LYST: variants seen among roughly 807,000 people sequenced by gnomAD.
The protein encoded by LYST is lysosomal trafficking regulator.
Under a neutral mutation model 413.6 loss-of-function variants are expected in LYST, and 192 were observed. The observed-to-expected ratio is 0.46, with a 90% CI of 0.41 to 0.52. The LOEUF is 0.52. LYST is among the 20% of genes least tolerant of loss of function. LYST has a pLI of 0.00. For synonymous variants in LYST, 1,525 were observed against 1,567.3 expected (o/e 0.97, Z 0.64); for missense variants, 3,815 against 4,499.9 (o/e 0.85, Z 4.35).
chr1:235,695,427 C>T (rs991415115), intron 46 of LYST, among the ~76,000 whole-genome samples: 1 of 152,180 alleles, frequency 6.6e-6, no homozygotes, highest in Admixed American at 6.5e-5. Flanking sequence ...CAGGTTCTGA[C>T]AAATTCCAAA....
intron 31 of LYST, chr1:235,736,691 A>G (rs2103233933): frequency 6.6e-6 from 1 of 152,264 alleles, no homozygotes; most frequent in African/African-American, 2.4e-5. Context: ...ACTCTGTACT[A>G]CTATGTAATA....
In LYST at chr1:235,773,910, C is replaced by T; in HGVS notation, c.5716G>A (p.Ala1906Thr). ...AACAGCTTAACATCTTGGATTATAG[C>T]ATTAGAGTCTACATCCAACTTAAAC... ...GEFKLDVDSN[A>T]IIQDVKLLEE... is the part of the protein sequence containing the mutation. Residue 1906 changes from alanine to threonine, a missense_variant, in exon 19 of 53, where the codon GCT (alanine) becomes ACT (threonine). Physicochemically the swap from Ala to Thr is moderately conservative, Grantham distance 58. Coordinates refer to ENST00000389793, the MANE Select transcript of LYST (RefSeq NM_000081.4). 6.2e-7 allele frequency: 1 copy of T among 1,606,494 alleles called. No individual in the cohort carries two copies. The highest frequency in any genetic ancestry group is 8.5e-7 in the Non-Finnish European group (1 of 1,173,196).
intron 45 of LYST, among the ~76,000 whole-genome samples, chr1:235,700,128 A>G (rs528753605): frequency 6.6e-5 from 10 of 152,350 alleles, no homozygotes; most frequent in Non-Finnish European, 1.2e-4. Flanking sequence ...AAAACCATAA[A>G]AACCTTAGAA....
intron 1 of LYST, among the ~76,000 whole-genome samples, chr1:235,879,409 T>C (rs1337201459): frequency 6.6e-6 from 1 of 152,210 alleles, no homozygotes; most frequent in Non-Finnish European, 1.5e-5. Context: ...AATGGTCGCC[T>C]GCTAACAATA....
At position 235,759,234 on chromosome 1, in the gene LYST, A is replaced by G. The variant is rs904112527; in HGVS notation, c.6619T>C (p.Leu2207=). ...TCTTCTGACCTGGGTTCTGCTCCCA[A>G]CTGTTTATGATCTGCTTTGACCACT... The part of the protein sequence containing the change: ...FPVVKADHKQ[L]GAEPRSEDDS... The change falls in exon 23 of 53, where the codon TTG becomes CTG. Residue 2207 remains leucine, a synonymous_variant. Transcript: ENST00000389793. 1.2e-6 allele frequency: 2 copies of G among 1,614,108 alleles called. No individual in the cohort carries two copies. Among genetic ancestry groups the G allele is most frequent in the Non-Finnish European group, 8.5e-7 (1 of 1,180,016 alleles).
intron 22 of LYST, among the ~76,000 whole-genome samples, chr1:235,761,066 C>A (rs1057175821): frequency 2.0e-5 from 3 of 151,092 alleles, no homozygotes; most frequent in Non-Finnish European, 2.9e-5. Flanking sequence ...CCAGCCTGGG[C>A]AAAAAGGCAA....
At chr1:235,668,546 C>G (rs1006470455) in intron 50 of LYST, among the ~76,000 whole-genome samples, 1 of 152,188 alleles carries the variant, frequency 6.6e-6, no homozygotes, top group South Asian at 2.1e-4. Flanking sequence ...GAATACCCTA[C>G]TAGTGAGTTG....
intron 23 of LYST, among the ~76,000 whole-genome samples, chr1:235,757,832 T>A (rs1667179757): frequency 6.6e-6 from 1 of 151,954 alleles, no homozygotes; most frequent in Non-Finnish European, 1.5e-5. Context: ...AACATGTCCA[T>A]CATTGCAGAA....
chr1:235,845,803 A>T (rs1677779541), intron 1 of LYST, among the ~76,000 whole-genome samples: 1 of 148,510 alleles, frequency 6.7e-6, no homozygotes, highest in Admixed American at 6.8e-5. Flanking sequence ...TGGGAATCTC[A>T]CCCCCAATTC....
At chr1:235,672,969 C>T (rs1335931457) in intron 50 of LYST, among the ~76,000 whole-genome samples, 1 of 152,178 alleles carries the variant, frequency 6.6e-6, no homozygotes, top group African/African-American at 2.4e-5. Flanking sequence ...CCTCAAACTC[C>T]CAGTTCACCG....
chr1:235,702,718 T>G (rs774684517), intron 45 of LYST, 29 bp downstream of exon 45: 1 of 1,575,786 alleles, frequency 6.3e-7, no homozygotes, highest in South Asian at 1.1e-5. Context: ...CAGGTTTTGC[T>G]GCACTCGATT....
At chr1:235,828,908 A>G in intron 3 of LYST, 3 of 911,964 alleles carry the variant, frequency 3.3e-6, no homozygotes, top group South Asian at 1.0e-4. Context: ...AAAAAGAATA[A>G]AAATACATAA....
chr1:235,734,166 T>C (rs1286882399), intron 32 of LYST, among the ~76,000 whole-genome samples: 2 of 152,114 alleles, frequency 1.3e-5, no homozygotes, highest in Non-Finnish European at 2.9e-5. Context: ...ACATAGTTGC[T>C]TGCCTCCTTA....
intron 37 of LYST, among the ~76,000 whole-genome samples, chr1:235,728,660 A>G (rs769309653): frequency 9.2e-5 from 14 of 152,088 alleles, no homozygotes; most frequent in Non-Finnish European, 1.9e-4. Context: ...ATGTCCCTAC[A>G]TCGTGTTTTA....
chr1:235,665,226 T>C (rs999679443), intron 50 of LYST, among the ~76,000 whole-genome samples: 12 of 152,200 alleles, frequency 7.9e-5, no homozygotes, highest in Non-Finnish European at 1.3e-4. Context: ...TTTCAGCATA[T>C]GAACCACCAA....
intron 3 of LYST, among the ~76,000 whole-genome samples, chr1:235,814,390 G>A (rs1673810026): frequency 1.3e-5 from 2 of 152,162 alleles, no homozygotes; most frequent in African/African-American, 2.4e-5. Context: ...TTCCCAGGGT[G>A]AGAATATAGA....
intron 10 of LYST, 72 bp downstream of exon 10, chr1:235,800,247 GC>G: frequency 9.7e-7 from 1 of 1,027,740 alleles, no homozygotes; most frequent in Non-Finnish European, 1.5e-6. Flanking sequence ...ACCACACCTG[GC>G]CAGAAGCCAT....
chr1:235,794,704 A>G (rs1251862005), intron 10 of LYST, among the ~76,000 whole-genome samples: 1 of 152,244 alleles, frequency 6.6e-6, no homozygotes, highest in Non-Finnish European at 1.5e-5. Flanking sequence ...GAGTTGACAC[A>G]GTAGCAAAAT....
At chr1:235,803,779 T>C (rs1371917530) in intron 7 of LYST, among the ~76,000 whole-genome samples, 1 of 152,198 alleles carries the variant, frequency 6.6e-6, no homozygotes, top group African/African-American at 2.4e-5. Flanking sequence ...AACGTATTCA[T>C]AGCTATTTCA....
Sources: allele counts gnomAD v4.1 joint callset (sites outside exome capture counted in the v4.1 genomes callset), GRCh38; gene constraint gnomAD v4.1.1; transcripts MANE v1.5; gene names NCBI Gene and HGNC (gene_info 2026-07-23, HGNC 2026-07-21).